Variants in MYOD1 observed in about 807,000 individuals in gnomAD.
MYOD1 encodes myoblast determination protein 1.
Under a neutral mutation model 14.9 loss-of-function variants are expected in MYOD1, and 15 were observed. That is an observed-to-expected ratio of 1.01 (90% CI 0.67 to 1.55). MYOD1 has a LOEUF of 1.55. MYOD1 is among the 40% of genes most tolerant of loss of function. The pLI, the probability that MYOD1 is intolerant of heterozygous loss-of-function variation, is 0.00. For synonymous variants in MYOD1, 235 were observed against 218.6 expected, an observed-to-expected ratio of 1.07 and a Z score of -0.66; for missense variants, 529 against 482.6, an observed-to-expected ratio of 1.10 and a Z score of -0.90.
chr11:17,721,344 C>A lies in MYOD1; in HGVS notation c.799C>A (p.Pro267Thr), dbSNP rs779684675. The change falls in exon 3 of 3, where the codon CCC (proline) becomes ACC (threonine). Residue 267 changes from proline to threonine, a missense_variant. Coordinates refer to ENST00000250003, the MANE Select transcript of MYOD1 (RefSeq NM_002478.5). This position sits in a 1 kb window ranked among gnomAD's most constrained non-coding sequence, Gnocchi z 6.2. ...CATCTCCACCGAGAGCCCTGCGGCG[C>A]CCGCCCTCCTGCTGGCGGACGTGCC... Reference protein sequence around the residue: ...ERISTESPAAPALLLADVPSE... With the variant: ...ERISTESPAATALLLADVPSE... The A allele has an allele frequency of 6.3e-7, 1 of 1,594,576 alleles. No individual in the cohort carries two copies. The highest frequency in any genetic ancestry group is 1.1e-5 in the South Asian group (1 of 90,100).
At position 17,720,110 on chromosome 11, in the gene MYOD1, C is replaced by G. The variant is rs773707013; in HGVS notation, c.328C>G (p.Arg110Gly). Residue 110 changes from arginine to glycine, a missense_variant, in exon 1 of 3, where the codon CGC becomes GGC. By Grantham distance (125) the Arg-to-Gly change is moderately radical. Coordinates refer to ENST00000250003, the MANE Select transcript of MYOD1 (RefSeq NM_002478.5). ...ACKRKTTNAD[R>G]RKAATMRERR... ...CAAGCGCAAGACCACCAACGCCGAC[C>G]GCCGCAAGGCCGCCACCATGCGCGA... The G allele has an allele frequency of 2.5e-6, 4 of 1,582,700 alleles. No individual in the cohort carries two copies. The highest frequency in any genetic ancestry group is 2.7e-5 in the African/African-American group (2 of 73,868).
In MYOD1 at chr11:17,721,622, G is replaced by C; in HGVS notation, c.*114G>C. 1.6e-6 allele frequency: 2 copies of C among 1,272,942 alleles called. No homozygotes were observed. The highest frequency in any genetic ancestry group is 2.1e-6 in the Non-Finnish European group (2 of 967,510). 78.9% of individuals were successfully genotyped at this position (1,272,942 alleles called of 1,614,324 possible). ...CAGCGCTTTAAAAGCGACCTCTCTTGAGGTAGGAGAGGCGGGAGAACTGAA... is the reference window on the plus strand; with the variant it reads ...CAGCGCTTTAAAAGCGACCTCTCTTCAGGTAGGAGAGGCGGGAGAACTGAA... On this transcript the variant is annotated 3_prime_UTR_variant, in exon 3 of 3. Transcript: ENST00000250003. The surrounding 1 kb of genome is among the most constrained non-coding windows in gnomAD (Gnocchi z 6.2).
intron 1 of MYOD1, 89 bp downstream of exon 1, chr11:17,720,501 G>C (rs962188052): frequency 7.0e-7 from 1 of 1,424,384 alleles, no homozygotes; most frequent in Non-Finnish European, 9.1e-7. Flanking sequence ...CTGGCCTTGC[G>C]GGAGGTTTGG....
rs770108553 is a variant in MYOD1, at chr11:17,720,407, G to C, written c.625G>C (p.Gly209Arg). Residue 209 changes from glycine to arginine, a missense_variant, in exon 1 of 3, where the codon GGC (glycine) becomes CGC (arginine). Transcript: ENST00000250003. Reference protein sequence around the residue: ...ASSPRSNCSDGMMDYSGPPSG... With the variant: ...ASSPRSNCSDRMMDYSGPPSG... ...CAGCCCGCGCTCCAACTGCTCCGAC[G>C]GCATGGTAAGGCCGGGACCCCAGGA... The C allele has an allele frequency of 5.1e-6, 8 of 1,561,820 alleles. No individual in the cohort carries two copies. Among genetic ancestry groups the C allele is most frequent in the South Asian group, 1.2e-5 (1 of 85,336 alleles).
chr11:17,721,174 C>T lies in MYOD1; in HGVS notation c.710-81C>T. 6.9e-7 allele frequency: 1 copy of T among 1,443,138 alleles called. No homozygotes were observed. Among genetic ancestry groups the T allele is most frequent in the Non-Finnish European group, 9.1e-7 (1 of 1,097,076 alleles). The allele number at this position is 1,443,138 out of a possible 1,614,324, so 89.4% of individuals were successfully genotyped here. A position where few individuals can be genotyped will look rare whatever the true frequency, so the allele number is the denominator to read the frequency against. ...CTAACTAAAGTCCTCAGTTTCCAAT[C>T]TGTCTCAAAGTACTGGGCCCGGGGG... On this transcript the variant is annotated intron_variant, in intron 2 of 2. Coordinates refer to ENST00000250003, the MANE Select transcript of MYOD1 (RefSeq NM_002478.5). The surrounding 1 kb of genome is among the most constrained non-coding windows in gnomAD (Gnocchi z 6.2).
rs1391324989 is a variant in MYOD1, at chr11:17,721,093, T to C, written c.709+113T>C. ...CACACGCCTATGTCCTGGGAAGTGGTGCAGGAGATGAAATACTAAGCAAGT... is the reference window on the plus strand; with the variant it reads ...CACACGCCTATGTCCTGGGAAGTGGCGCAGGAGATGAAATACTAAGCAAGT... On this transcript the variant is annotated intron_variant, in intron 2 of 2. Coordinates refer to ENST00000250003, the MANE Select transcript of MYOD1 (RefSeq NM_002478.5). This position sits in a 1 kb window ranked among gnomAD's most constrained non-coding sequence, Gnocchi z 6.2. 2.1e-6 allele frequency: 3 copies of C among 1,407,516 alleles called. No individual in the cohort carries two copies. The East Asian group carries it at 7.7e-5, about 36-fold the overall frequency. 87.2% of individuals were successfully genotyped at this position (1,407,516 alleles called of 1,614,324 possible).
chr11:17,720,818 T>G, intron 1 of MYOD1, 84 bp from the exon 2 acceptor site: 1 of 1,423,992 alleles, frequency 7.0e-7, no homozygotes, highest in Non-Finnish European at 9.7e-7. Context: ...TAGGCTAGAG[T>G]TAGGGAGGGG....
Position 17,721,237 on chromosome 11 carries a change from C to T in MYOD1, c.710-18C>T, listed in dbSNP as rs1306562569. The stretch of plus-strand genomic sequence containing the variant: ...CGCGGCCCCACCCCTGCTTACTAAC[C>T]GAGCCCTCCCCGCGCAGAACCCAGG... On this transcript the variant is annotated intron_variant, in intron 2 of 2. Transcript: ENST00000250003. The surrounding 1 kb of genome is among the most constrained non-coding windows in gnomAD (Gnocchi z 6.2). 2.6e-6 allele frequency: 4 copies of T among 1,520,506 alleles called. No homozygotes were observed. Among genetic ancestry groups the T allele is most frequent in the Non-Finnish European group, 1.8e-6 (2 of 1,135,836 alleles). The allele number at this position is 1,520,506 out of a possible 1,614,324, so 94.2% of individuals were successfully genotyped here.
rs1247993495 is a variant in MYOD1 at position 17,720,112 on chromosome 11, C to T, written c.330C>T (p.Arg110=). ...AGCGCAAGACCACCAACGCCGACCG[C>T]CGCAAGGCCGCCACCATGCGCGAGC... is the stretch of plus-strand genomic sequence containing the variant. ...ACKRKTTNAD[R]RKAATMRERR... is the part of the protein sequence containing the mutation. The change falls in exon 1 of 3, where the codon CGC becomes CGT. Residue 110 remains arginine, a synonymous_variant. Coordinates refer to ENST00000250003, the MANE Select transcript of MYOD1 (RefSeq NM_002478.5). 7 of 1,585,130 alleles carry T rather than the reference C, an allele frequency of 4.4e-6. No homozygotes were observed. Among genetic ancestry groups the T allele is most frequent in the Non-Finnish European group, 6.0e-6 (7 of 1,166,386 alleles).
In MYOD1 at chr11:17,719,788, GCTA is replaced by G; in HGVS notation, c.9_11del (p.Leu4del). On this transcript the variant is annotated inframe_deletion, in exon 1 of 3. Coordinates refer to ENST00000250003, the MANE Select transcript of MYOD1 (RefSeq NM_002478.5). ...TGCCGCGCCACCGCCAGGATATGGAGCTACTGTCGCCACCGCTCCGCGACGTAG... is the reference window on the plus strand; with the variant it reads ...TGCCGCGCCACCGCCAGGATATGGAGCTGTCGCCACCGCTCCGCGACGTAG... The G allele has an allele frequency of 6.2e-7, 1 of 1,612,492 alleles. No homozygotes were observed. Among genetic ancestry groups the G allele is most frequent in the Non-Finnish European group, 8.5e-7 (1 of 1,179,504 alleles).
rs549658506 is a variant in MYOD1 at position 17,721,044 on chromosome 11, C to G, written c.709+64C>G. The G allele has an allele frequency of 1.4e-6, 2 of 1,469,248 alleles. No homozygotes were observed. The highest frequency in any genetic ancestry group is 1.4e-5 in the South Asian group (1 of 72,734). 91.0% of individuals were successfully genotyped at this position (1,469,248 alleles called of 1,614,324 possible). ...TTCATGGAGCTGTCCTGGCCTCTAT[C>G]TAGGACGCTCCCACCCCCACTCACA... On this transcript the variant is annotated intron_variant, in intron 2 of 2. Coordinates refer to ENST00000250003, the MANE Select transcript of MYOD1 (RefSeq NM_002478.5). The surrounding 1 kb of genome is among the most constrained non-coding windows in gnomAD (Gnocchi z 6.2).
Position 17,719,824 on chromosome 11 carries a change from G to A in MYOD1, c.42G>A (p.Thr14=). 1 of 1,613,586 alleles carries A rather than the reference G, an allele frequency of 6.2e-7. No homozygotes were observed. Among genetic ancestry groups the A allele is most frequent in the Non-Finnish European group, 8.5e-7 (1 of 1,179,980 alleles). The change falls in exon 1 of 3, where the codon ACG becomes ACA. Residue 14 remains threonine (T), a synonymous_variant. Coordinates refer to ENST00000250003, the MANE Select transcript of MYOD1 (RefSeq NM_002478.5). ...CACCGCTCCGCGACGTAGACCTGACGGCCCCCGACGGCTCTCTCTGCTCCT... is the reference window on the plus strand; with the variant it reads ...CACCGCTCCGCGACGTAGACCTGACAGCCCCCGACGGCTCTCTCTGCTCCT... ...LSPPLRDVDL[T]APDGSLCSFA...
Position 17,719,582 on chromosome 11 carries a change from A to T in MYOD1, c.-201A>T. On this transcript the variant is annotated 5_prime_UTR_variant, in exon 1 of 3. It adds an upstream start codon to the 5' untranslated region. Coordinates refer to ENST00000250003, the MANE Select transcript of MYOD1 (RefSeq NM_002478.5). ...CCTGGCGAGAAGCTAGGGGTGAGGA[A>T]GCCCTGGGGCGCTGCCGCCGCTTTC... 3.1e-6 allele frequency: 2 copies of T among 653,304 alleles called. No homozygotes were observed. The highest frequency in any genetic ancestry group is 4.3e-5 in the South Asian group (2 of 47,044). 40.5% of individuals were successfully genotyped at this position (653,304 alleles called of 1,614,324 possible). A position where few individuals can be genotyped will look rare whatever the true frequency, so the allele number is the denominator to read the frequency against.
chr11:17,721,117 G>T lies in MYOD1; in HGVS notation c.709+137G>T, dbSNP rs994118321. The T allele has an allele frequency of 7.7e-6, 11 of 1,420,518 alleles. No homozygotes were observed. The highest frequency in any genetic ancestry group is 1.0e-5 in the Non-Finnish European group (11 of 1,074,076). The allele number at this position is 1,420,518 out of a possible 1,614,324, so 88.0% of individuals were successfully genotyped here. ...GTGCAGGAGATGAAATACTAAGCAAGTAGCTCCCTGTCTTTTGGATTGTCC... is the reference window on the plus strand; with the variant it reads ...GTGCAGGAGATGAAATACTAAGCAATTAGCTCCCTGTCTTTTGGATTGTCC... On this transcript the variant is annotated intron_variant, in intron 2 of 2. Transcript: ENST00000250003. The surrounding 1 kb of genome is among the most constrained non-coding windows in gnomAD (Gnocchi z 6.2).
At position 17,721,385 on chromosome 11, in the gene MYOD1, G is replaced by T; in HGVS notation, c.840G>T (p.Pro280=). The change falls in exon 3 of 3, where the codon CCG becomes CCT. Residue 280 remains proline (P), a synonymous_variant. Transcript: ENST00000250003. This position sits in a 1 kb window ranked among gnomAD's most constrained non-coding sequence, Gnocchi z 6.2. The stretch of plus-strand genomic sequence containing the variant: ...CGGACGTGCCTTCTGAGTCGCCTCC[G>T]CGCAGGCAAGAGGCTGCCGCCCCCA... The part of the protein sequence containing the change: ...LLADVPSESP[P]RRQEAAAPSE... 6.3e-7 allele frequency: 1 copy of T among 1,596,366 alleles called. No homozygotes were observed. Among genetic ancestry groups the T allele is most frequent in the South Asian group, 1.1e-5 (1 of 90,470 alleles).
In MYOD1 at chr11:17,720,396, A is replaced by C. The variant is rs572329597; in HGVS notation, c.614A>C (p.Asn205Thr). Residue 205 changes from asparagine (N) to threonine (T), a missense_variant, in exon 1 of 3, where the codon AAC (asparagine) becomes ACC (threonine). By Grantham distance (65) the Asn-to-Thr change is moderately conservative (BLOSUM62 0). Transcript: ENST00000250003. The stretch of plus-strand genomic sequence containing the variant: ...TCCGACGCGTCCAGCCCGCGCTCCA[A>C]CTGCTCCGACGGCATGGTAAGGCCG... The part of the protein sequence containing the change: ...GDSDASSPRS[N>T]CSDGMMDYSG... The C allele has an allele frequency of 6.4e-6, 10 of 1,564,092 alleles. No homozygotes were observed. Among genetic ancestry groups the C allele is most frequent in the Non-Finnish European group, 8.6e-6 (10 of 1,165,654 alleles).
Position 17,721,401 on chromosome 11 carries a change from G to C in MYOD1, c.856G>C (p.Ala286Pro), listed in dbSNP as rs759839994. The change falls in exon 3 of 3, where the codon GCC becomes CCC. Residue 286 changes from alanine (A) to proline (P), a missense_variant. Transcript: ENST00000250003. The surrounding 1 kb of genome is among the most constrained non-coding windows in gnomAD (Gnocchi z 6.2). Reference sequence around the variant, plus strand: ...GTCGCCTCCGCGCAGGCAAGAGGCTGCCGCCCCCAGCGAGGGAGAGAGCAG... The same window carrying C: ...GTCGCCTCCGCGCAGGCAAGAGGCTCCCGCCCCCAGCGAGGGAGAGAGCAG... ...SESPPRRQEA[A>P]APSEGESSGD... The C allele has an allele frequency of 1.9e-6, 3 of 1,597,290 alleles. No individual in the cohort carries two copies. The Admixed American group carries it at 5.0e-5, about 27-fold the overall frequency.
rs1183685544 is a variant in MYOD1 at position 17,721,257 on chromosome 11, C to T, written c.712C>T (p.Pro238Ser). ...CTAACCGAGCCCTCCCCGCGCAGAA[C>T]CCAGGCCCGGGAAGAGTGCGGCGGT... Reference protein sequence around the residue: ...GAYYNEAPSEPRPGKSAAVSS... With the variant: ...GAYYNEAPSESRPGKSAAVSS... Residue 238 changes from proline to serine, a missense_variant and splice_region_variant, in exon 3 of 3, where the codon CCC (proline) becomes TCC (serine). Physicochemically the swap from Pro to Ser is moderately conservative, Grantham distance 74. Coordinates refer to ENST00000250003, the MANE Select transcript of MYOD1 (RefSeq NM_002478.5). This position sits in a 1 kb window ranked among gnomAD's most constrained non-coding sequence, Gnocchi z 6.2. 1 of 1,552,890 alleles carries T rather than the reference C, an allele frequency of 6.4e-7. No homozygotes were observed. The highest frequency in any genetic ancestry group is 1.9e-5 in the Admixed American group (1 of 53,636).
rs1180300708 is a variant in MYOD1 at position 17,720,372 on chromosome 11, C to T, written c.590C>T (p.Ser197Phe). Residue 197 changes from serine to phenylalanine, a missense_variant, in exon 1 of 3, where the codon TCC becomes TTC. Transcript: ENST00000250003. Reference protein sequence around the residue: ...GRGGEHYSGDSDASSPRSNCS... With the variant: ...GRGGEHYSGDFDASSPRSNCS... ...GGCGGCGAGCACTACAGCGGCGACT[C>T]CGACGCGTCCAGCCCGCGCTCCAAC... The T allele has an allele frequency of 5.1e-6, 8 of 1,560,376 alleles. No individual in the cohort carries two copies. In the Admixed American group the frequency reaches 9.8e-5, roughly 19 times the overall value.
Sources: allele counts gnomAD v4.1 joint callset, GRCh38; gene constraint gnomAD v4.1.1; non-coding constraint Gnocchi (gnomAD v3.1); transcripts MANE v1.5; gene names NCBI Gene and HGNC (gene_info 2026-07-23, HGNC 2026-07-21).